RDH11: variants seen among roughly 807,000 people sequenced by gnomAD.
RDH11 encodes the protein HCV core-binding protein HCBP12.
RDH11 carries 19 observed loss-of-function variants against 33.4 expected under a neutral mutation model. The ratio of observed to expected loss-of-function variants is 0.57; its 90% confidence interval spans 0.40 to 0.83. The LOEUF is 0.83. Among genes scored for constraint, RDH11 ranks in the 40% least tolerant of loss-of-function variants. The pLI is 0.00. For missense variants in RDH11, 353 were observed against 389.0 expected, an observed-to-expected ratio of 0.91 and a Z score of 0.78; for synonymous variants, 154 against 155.3, an observed-to-expected ratio of 0.99 and a Z score of 0.06.
intron 6 of RDH11, chr14:67,684,683 C>A (rs545754767): frequency 6.0e-5 from 10 of 165,498 alleles, no homozygotes; most frequent in Middle Eastern, 2.9e-3. Context: ...TAAGCCACTG[C>A]GCCTGGCCTC....
intron 3 of RDH11, 168 bp from the exon 4 acceptor site, chr14:67,691,412 A>G: frequency 1.8e-6 from 1 of 565,404 alleles, no homozygotes; most frequent in Admixed American, 3.1e-5. Context: ...ACTTTAGTTG[A>G]ATCCCACCTA....
rs1266042931 is a variant in RDH11, at chr14:67,685,316, C to A, written c.665-112G>T. 8 of 767,294 alleles carry A rather than the reference C, an allele frequency of 1.0e-5. No individual in the cohort carries two copies. The Admixed American group carries it at 2.3e-4, about 22-fold the overall frequency. The allele number at this position is 767,294 out of a possible 1,614,324, so 47.5% of individuals were successfully genotyped here. ...TGACCTTCACATATGGACTCTTTTG[C>A]CCATGGTGACATCAGAAGTACTGCT... On this transcript the variant is annotated intron_variant, in intron 5 of 6. Coordinates refer to ENST00000381346, the MANE Select transcript of RDH11 (RefSeq NM_016026.4).
chr14:67,690,609 G>A (rs2037737139), intron 4 of RDH11, 188 bp from the exon 5 acceptor site: 1 of 589,770 alleles, frequency 1.7e-6, no homozygotes, highest in South Asian at 2.0e-5. Flanking sequence ...AAGACATGAG[G>A]CATCCTTATA....
chr14:67,693,893 C>T lies in RDH11; in HGVS notation c.75-841G>A, dbSNP rs571648740. Among the ~76,000 whole-genome samples the T allele has an allele frequency of 3.3e-5, 5 of 152,188 alleles. No homozygotes were observed. In the South Asian group the frequency reaches 6.2e-4, roughly 19 times the overall value. On this transcript the variant is annotated intron_variant, in intron 1 of 6. Transcript: ENST00000381346. ...CTCGAACTCCTGACCTCAGGTGATC[C>T]GCCCACCTCAGCCTCCCAAAGTGCT...
chr14:67,678,317 C>G lies in RDH11; in HGVS notation c.*4G>C, dbSNP rs778641026. The G allele has an allele frequency of 6.3e-7, 1 of 1,594,004 alleles. No homozygotes were observed. Among genetic ancestry groups the G allele is most frequent in the South Asian group, 1.1e-5 (1 of 90,638 alleles). On this transcript the variant is annotated 3_prime_UTR_variant, in exon 7 of 7. Transcript: ENST00000381346. ...CTTCTCTTGGGTCCAACTGGCACTG[C>G]CTGTTAGTCTATTGGGAGGCCCAGC...
chr14:67,677,074 C>G lies in RDH11; in HGVS notation c.*1247G>C, dbSNP rs1182811672. The G allele has an allele frequency of 2.0e-5, 3 of 152,118 alleles. No homozygotes were observed. The highest frequency in any genetic ancestry group is 4.4e-5 in the Non-Finnish European group (3 of 68,032). The allele number at this position is 152,118 out of a possible 1,614,324, so 9.4% of individuals were successfully genotyped here. A position where few individuals can be genotyped will look rare whatever the true frequency, so the allele number is the denominator to read the frequency against. On this transcript the variant is annotated 3_prime_UTR_variant, in exon 7 of 7. Coordinates refer to ENST00000381346, the MANE Select transcript of RDH11 (RefSeq NM_016026.4). Reference sequence around the variant, plus strand: ...GTGGTCCTATAACTCTTTCCCCCACCAAAGTTAAAATATAATTGTCATTCC... The same window carrying G: ...GTGGTCCTATAACTCTTTCCCCCACGAAAGTTAAAATATAATTGTCATTCC...
In RDH11 at chr14:67,676,855, AAAAAT is replaced by A. The variant is rs1485131947; in HGVS notation, c.*1461_*1465del. ...GTTTTTATTCTGGTAAATGAAAACA[AAAAAT>A]AATCAAAAAGAATTTTTATTTGTCA... On this transcript the variant is annotated 3_prime_UTR_variant, in exon 7 of 7. Coordinates refer to ENST00000381346, the MANE Select transcript of RDH11 (RefSeq NM_016026.4). The A allele has an allele frequency of 6.6e-6, 1 of 152,260 alleles. No individual in the cohort carries two copies. The highest frequency in any genetic ancestry group is 1.5e-5 in the Non-Finnish European group (1 of 68,046). 9.4% of individuals were successfully genotyped at this position (152,260 alleles called of 1,614,324 possible).
At position 67,685,188 on chromosome 14, in the gene RDH11, C is replaced by G. The variant is rs199934972; in HGVS notation, c.681G>C (p.Thr227=). 3 of 1,612,406 alleles carry G rather than the reference C, an allele frequency of 1.9e-6. No homozygotes were observed. The highest frequency in any genetic ancestry group is 1.1e-5 in the South Asian group (1 of 90,746). Residue 227 remains threonine, a synonymous_variant, in exon 6 of 7, where the codon ACG becomes ACC. Transcript: ENST00000381346. ...ARRLKGSGVT[T]YSVHPGTVQS... ...GGACTGTGCCAGGGTGTACAGAATA[C>G]GTCGTAACGCCAGAGCCTGGTTGGG... is the stretch of plus-strand genomic sequence containing the variant.
rs775441634 is a variant in RDH11, at chr14:67,690,280, C to G, written c.596G>C (p.Gly199Ala). 1 of 1,614,144 alleles carries G rather than the reference C, an allele frequency of 6.2e-7. No individual in the cohort carries two copies. Among genetic ancestry groups the G allele is most frequent in the South Asian group, 1.1e-5 (1 of 91,082 alleles). Residue 199 changes from glycine to alanine, a missense_variant, in exon 5 of 7, where the codon GGC becomes GCC. Physicochemically the swap from Gly to Ala is moderately conservative, Grantham distance 60. Transcript: ENST00000381346. ...NLQGEKFYNA[G>A]LAYCHSKLAN... The stretch of plus-strand genomic sequence containing the variant: ...TAGCTTGCTGTGACAGTAGGCCAGG[C>G]CTGCATTGTAGAATTTCTCGCCCTG...
At chr14:67,683,617 A>T (rs1199178493) in intron 6 of RDH11, among the ~76,000 whole-genome samples, 1 of 152,238 alleles carries the variant, frequency 6.6e-6, no homozygotes, top group African/African-American at 2.4e-5. Context: ...TCAAAAGAGT[A>T]AAAATGAAGG....
intron 1 of RDH11, among the ~76,000 whole-genome samples, chr14:67,694,696 CAG>C (rs2037805984): frequency 6.6e-6 from 1 of 151,594 alleles, no homozygotes; most frequent in Non-Finnish European, 1.5e-5. Flanking sequence ...ACTGAGTGTT[CAG>C]AAGGCAGAAA....
At position 67,679,214 on chromosome 14, in the gene RDH11, G is replaced by A. The variant is rs529058430; in HGVS notation, c.855-791C>T. 4.6e-5 allele frequency among the ~76,000 whole-genome samples: 7 copies of A among 152,182 alleles called. 1 individual carries two copies. In the South Asian group the frequency reaches 1.0e-3, roughly 23 times the overall value. ...GAACCACTCCCAAGATAATGAACCCGTTCCAGAGATAATGGCATTAAACCA... is the reference window on the plus strand; with the variant it reads ...GAACCACTCCCAAGATAATGAACCCATTCCAGAGATAATGGCATTAAACCA... On this transcript the variant is annotated intron_variant, in intron 6 of 6. Transcript: ENST00000381346.
At chr14:67,692,897 G>C in intron 2 of RDH11, 37 bp downstream of exon 2, 1 of 1,329,008 alleles carries the variant, frequency 7.5e-7, no homozygotes, top group Non-Finnish European at 1.1e-6. Context: ...GGGTAAAACA[G>C]CAGTAATAGG....
rs1566826439 is a variant in RDH11 at position 67,685,068 on chromosome 14, G to A, written c.801C>T (p.Ser267=). The change falls in exon 6 of 7, where the codon AGC becomes AGT. Residue 267 remains serine (S), a synonymous_variant. Transcript: ENST00000381346. The part of the protein sequence containing the change: ...IKTPQQGAQT[S]LHCALTEGLE... ...GACCTTCTGTTAAGGCACAGTGCAG[G>A]CTGGTCTGGGCTCCCTGCTGAGGAG... 1 of 1,614,164 alleles carries A rather than the reference G, an allele frequency of 6.2e-7. No individual in the cohort carries two copies. Among genetic ancestry groups the A allele is most frequent in the Non-Finnish European group, 8.5e-7 (1 of 1,180,020 alleles).
At chr14:67,681,154 A>AG (rs1262150674) in intron 6 of RDH11, among the ~76,000 whole-genome samples, 1 of 152,208 alleles carries the variant, frequency 6.6e-6, no homozygotes, top group African/African-American at 2.4e-5. Context: ...AAAAAGAGGA[A>AG]GAGACACCAG....
intron 1 of RDH11, 103 bp downstream of exon 1, chr14:67,695,526 GC>G (rs890103294): frequency 7.9e-6 from 9 of 1,140,320 alleles, no homozygotes; most frequent in African/African-American, 7.8e-5. Flanking sequence ...CCATCTTGGA[GC>G]CCCCCCAGGG....
chr14:67,690,180 C>G, intron 5 of RDH11, 32 bp downstream of exon 5: 1 of 1,589,228 alleles, frequency 6.3e-7, no homozygotes, highest in Non-Finnish European at 8.6e-7. Context: ...CTCTCTGACT[C>G]ATGTCTCCAC....
chr14:67,692,620 T>C (rs746624962), intron 2 of RDH11, 27 bp from the exon 3 acceptor site: 3 of 1,522,938 alleles, frequency 2.0e-6, no homozygotes, highest in African/African-American at 1.4e-5. Context: ...GAAAGAGAAA[T>C]GGTCAGCTCT....
At chr14:67,686,779 G>A (rs539171766) in intron 5 of RDH11, among the ~76,000 whole-genome samples, 3 of 152,124 alleles carry the variant, frequency 2.0e-5, no homozygotes, top group Non-Finnish European at 4.4e-5. Context: ...ATTGTAGAAA[G>A]GTAATATGAA....
Sources: allele counts gnomAD v4.1 joint callset (sites outside exome capture counted in the v4.1 genomes callset), GRCh38; gene constraint gnomAD v4.1.1; transcripts MANE v1.5; gene names NCBI Gene and HGNC (gene_info 2026-07-23, HGNC 2026-07-21).